The following TBL1X variants were observed in gnomAD, a reference collection of about 807,000 sequenced individuals.
The protein encoded by TBL1X is F-box-like/WD repeat-containing protein TBL1X.
A neutral mutation model predicts 50.7 loss-of-function variants in TBL1X; 10 were observed. The observed-to-expected ratio is 0.20, with a 90% CI of 0.12 to 0.33. The LOEUF is 0.33. TBL1X is among the 10% of genes least tolerant of loss of function. TBL1X has a pLI of 1.00. For missense variants in TBL1X, 340 were observed against 504.4 expected, an observed-to-expected ratio of 0.67 and a Z score of 3.12; for synonymous variants, 190 against 214.7, an observed-to-expected ratio of 0.88 and a Z score of 1.01.
chrX:9,681,110 C>G (rs2083022932), intron 5 of TBL1X, among the ~76,000 whole-genome samples: 1 of 111,784 alleles, frequency 8.9e-6, no homozygotes, highest in South Asian at 3.7e-4. Flanking sequence ...ATTAAAAACC[C>G]AGATGAGAGA....
intron 12 of TBL1X, among the ~76,000 whole-genome samples, chrX:9,698,800 G>T (rs954312955): frequency 2.7e-5 from 3 of 112,020 alleles, no homozygotes; most frequent in Non-Finnish European, 3.8e-5. Context: ...AGGGAGATCA[G>T]CCTCGGGCCT....
chrX:9,709,836 T>C (rs1349311431), intron 15 of TBL1X, 76 bp downstream of exon 15: 3 of 1,144,063 alleles, frequency 2.6e-6, no homozygotes, highest in East Asian at 3.1e-5. Context: ...AGCGCGTCCA[T>C]GCACGTGTGT....
intron 2 of TBL1X, among the ~76,000 whole-genome samples, chrX:9,624,693 A>G (rs2082683457): frequency 8.9e-6 from 1 of 111,922 alleles, no homozygotes; most frequent in African/African-American, 3.2e-5. Flanking sequence ...CCTGTTTTCT[A>G]TTAGACTGGT....
intron 17 of TBL1X, among the ~76,000 whole-genome samples, chrX:9,715,668 ACCT>A (rs1374014353): frequency 8.9e-6 from 1 of 111,885 alleles, no homozygotes; most frequent in Non-Finnish European, 1.9e-5. Flanking sequence ...ATGCTGCTAA[ACCT>A]CCTACTGTGC....
intron 1 of TBL1X, among the ~76,000 whole-genome samples, chrX:9,478,191 A>T (rs2081859743): frequency 9.0e-6 from 1 of 111,444 alleles, no homozygotes; most frequent in African/African-American, 3.3e-5. Flanking sequence ...GCGTGTTAAC[A>T]GTGGGAAATA....
chrX:9,616,097 T>C (rs2082638147), intron 2 of TBL1X, among the ~76,000 whole-genome samples: 1 of 112,015 alleles, frequency 8.9e-6, no homozygotes, highest in Non-Finnish European at 1.9e-5. Flanking sequence ...GGTATTATGA[T>C]GCCAACAATG....
In TBL1X at chrX:9,718,561, A is replaced by T. The variant is rs2083292111; in HGVS notation, c.*2315A>T. 1 of 111,288 alleles carries T rather than the reference A, an allele frequency of 9.0e-6. No individual in the cohort carries two copies. Among genetic ancestry groups the T allele is most frequent in the Non-Finnish European group, 1.9e-5 (1 of 53,014 alleles). The allele number at this position is 111,288 out of a possible 1,213,427, so 9.2% of individuals were successfully genotyped here. On this transcript the variant is annotated 3_prime_UTR_variant, in exon 18 of 18. Coordinates refer to ENST00000645353, the MANE Select transcript of TBL1X (RefSeq NM_005647.4). Reference sequence around the variant, plus strand: ...AGTACAGTTTGTTGGGGTCCAAAAGACACCATCTCTACCCCACCCAAATAA... The same window carrying T: ...AGTACAGTTTGTTGGGGTCCAAAAGTCACCATCTCTACCCCACCCAAATAA...
chrX:9,708,832 CA>C (rs1569106812), intron 13 of TBL1X, among the ~76,000 whole-genome samples: 1 of 111,243 alleles, frequency 9.0e-6, no homozygotes, highest in Non-Finnish European at 1.9e-5. Flanking sequence ...CCTGCCACTG[CA>C]CTCCAGCCCG....
At chrX:9,675,080 A>G (rs1212974349) in intron 5 of TBL1X, among the ~76,000 whole-genome samples, 1 of 112,247 alleles carries the variant, frequency 8.9e-6, no homozygotes, top group Non-Finnish European at 1.9e-5. Flanking sequence ...GCTACTTAAA[A>G]TTATTTTGAG....
chrX:9,716,525 C>T lies in TBL1X; in HGVS notation c.*279C>T, dbSNP rs2083279593. On this transcript the variant is annotated 3_prime_UTR_variant, in exon 18 of 18. Transcript: ENST00000645353. ...GAAGGAGGAAGTCACCAGCTCGAGG[C>T]GTGTGGATTGGTTTCCACCCGGAAC... 6 of 240,629 alleles carry T rather than the reference C, an allele frequency of 2.5e-5. No individual in the cohort carries two copies. The highest frequency in any genetic ancestry group is 8.6e-5 in the African/African-American group (3 of 34,856). The allele number at this position is 240,629 out of a possible 1,213,427, so 19.8% of individuals were successfully genotyped here.
chrX:9,580,576 G>A (rs1169982154), intron 2 of TBL1X, among the ~76,000 whole-genome samples: 2 of 111,629 alleles, frequency 1.8e-5, no homozygotes, highest in Non-Finnish European at 3.8e-5. Flanking sequence ...CTTTAACTTA[G>A]TGATTTGGGA....
intron 5 of TBL1X, among the ~76,000 whole-genome samples, chrX:9,677,802 T>G (rs1442529134): frequency 2.7e-5 from 3 of 112,089 alleles, no homozygotes; most frequent in Non-Finnish European, 5.6e-5. Context: ...CCTTCAGGTT[T>G]TGTTGGCACT....
rs142859452 is a variant in TBL1X, at chrX:9,584,846, T to A, written c.-130-55427T>A. ...CCTTGGGGGAGGAGGGGACAGGAAG[T>A]GTCTGTTTAGTGGGTATTAGATCTC... On this transcript the variant is annotated intron_variant, in intron 2 of 17. Transcript: ENST00000645353. 9.9e-3 allele frequency among the ~76,000 whole-genome samples: 1,101 copies of A among 111,324 alleles called. 5 individuals are homozygous for A. The highest frequency in any genetic ancestry group is 0.028 in the Middle Eastern group (6 of 216).
chrX:9,553,189 G>A (rs745422373), intron 2 of TBL1X, among the ~76,000 whole-genome samples: 2 of 111,115 alleles, frequency 1.8e-5, no homozygotes, highest in Non-Finnish European at 3.8e-5. Context: ...GGTTGGGGAG[G>A]TTGTCTGGGT....
intron 2 of TBL1X, among the ~76,000 whole-genome samples, chrX:9,592,050 C>T (rs2082503153): frequency 8.9e-6 from 1 of 112,290 alleles, no homozygotes; most frequent in African/African-American, 3.2e-5. Context: ...TGGTCATTCC[C>T]TTAAACATCT....
intron 2 of TBL1X, among the ~76,000 whole-genome samples, chrX:9,545,958 G>A (rs2082240079): frequency 1.8e-5 from 2 of 111,776 alleles, no homozygotes; most frequent in East Asian, 5.7e-4. Flanking sequence ...TTAGAGTGAT[G>A]TTGAACAGTT....
chrX:9,604,265 G>T (rs1318959252), intron 2 of TBL1X, among the ~76,000 whole-genome samples: 2 of 112,063 alleles, frequency 1.8e-5, no homozygotes, highest in African/African-American at 6.5e-5. Flanking sequence ...GTGTAAATGC[G>T]GCGGTGCTCC....
chrX:9,715,103 C>A, intron 17 of TBL1X, 100 bp downstream of exon 17: 1 of 823,019 alleles, frequency 1.2e-6, no homozygotes, highest in African/African-American at 2.0e-5. Flanking sequence ...CCTGAAGGGC[C>A]TAGCCCAGTG....
intron 7 of TBL1X, among the ~76,000 whole-genome samples, chrX:9,689,095 TGTGC>T (rs1414707297): frequency 8.8e-6 from 1 of 113,519 alleles, no homozygotes; most frequent in Non-Finnish European, 1.9e-5. Context: ...CACAAGTTTG[TGTGC>T]GTGTGTGTGC....
Sources: allele counts gnomAD v4.1 joint callset (sites outside exome capture counted in the v4.1 genomes callset), GRCh38; gene constraint gnomAD v4.1.1; transcripts MANE v1.5; gene names NCBI Gene and HGNC (gene_info 2026-07-23, HGNC 2026-07-21).